Variants in AGBL4 observed in about 807,000 individuals in gnomAD.
The protein encoded by AGBL4 is AGBL carboxypeptidase 4.
In AGBL4, 58 loss-of-function variants were observed where a neutral mutation model predicts 66.4. That is an observed-to-expected ratio of 0.87 (90% CI 0.71 to 1.09). The LOEUF is 1.09. AGBL4 is among the 50% of genes least tolerant of loss of function. The pLI, the probability that AGBL4 is intolerant of heterozygous loss-of-function variation, is 0.00. For synonymous variants in AGBL4, 234 were observed against 222.9 expected (o/e 1.05, Z -0.44); for missense variants, 579 against 631.0 (o/e 0.92, Z 0.88).
intron 9 of AGBL4, among the ~76,000 whole-genome samples, chr1:48,608,530 A>G (rs984672123): frequency 5.3e-5 from 8 of 151,908 alleles, no homozygotes; most frequent in Non-Finnish European, 1.0e-4. Context: ...AGAACAGCTA[A>G]TGAGTCAGAG....
chr1:48,604,634 A>G (rs1344714029), intron 9 of AGBL4, among the ~76,000 whole-genome samples: 1 of 152,184 alleles, frequency 6.6e-6, no homozygotes, highest in Non-Finnish European at 1.5e-5. Context: ...AAATTCAAAC[A>G]CTTACATACA....
chr1:48,851,270 T>C (rs1046744102), intron 6 of AGBL4, among the ~76,000 whole-genome samples: 3 of 152,142 alleles, frequency 2.0e-5, no homozygotes, highest in African/African-American at 4.8e-5. Flanking sequence ...AGTGGTTAGG[T>C]TGCCCCTCCT....
At chr1:50,000,376 C>T (rs1660659358) in intron 1 of AGBL4, among the ~76,000 whole-genome samples, 1 of 152,074 alleles carries the variant, frequency 6.6e-6, no homozygotes, top group Non-Finnish European at 1.5e-5. Context: ...TGTGATACCA[C>T]CTTACTCCTA....
At chr1:48,746,110 T>C (rs1446649903) in intron 6 of AGBL4, among the ~76,000 whole-genome samples, 1 of 152,160 alleles carries the variant, frequency 6.6e-6, no homozygotes. Flanking sequence ...TCTTGTTGTG[T>C]CACCTGAAAG....
intron 1 of AGBL4, among the ~76,000 whole-genome samples, chr1:49,982,229 G>A (rs1427086517): frequency 1.8e-4 from 27 of 152,228 alleles, no homozygotes; most frequent in Admixed American, 1.8e-3. Context: ...CTGCCATGGT[G>A]CCAGGTGCAG....
At chr1:48,788,589 C>T (rs985374683) in intron 6 of AGBL4, among the ~76,000 whole-genome samples, 1 of 152,154 alleles carries the variant, frequency 6.6e-6, no homozygotes, top group Admixed American at 6.5e-5. Context: ...ACAGTGTTCT[C>T]AATCATAAAA....
intron 3 of AGBL4, among the ~76,000 whole-genome samples, chr1:49,687,712 T>C (rs948388074): frequency 2.6e-5 from 4 of 151,880 alleles, no homozygotes; most frequent in African/African-American, 7.3e-5. Context: ...GAGGCAGAGG[T>C]TGCAGTGAGC....
intron 4 of AGBL4, among the ~76,000 whole-genome samples, chr1:49,095,342 T>C (rs1414698885): frequency 6.6e-6 from 1 of 152,154 alleles, no homozygotes; most frequent in Admixed American, 6.6e-5. Flanking sequence ...TACTTTAAAG[T>C]TCATATGGAA....
intron 3 of AGBL4, among the ~76,000 whole-genome samples, chr1:49,305,933 G>A (rs771678663): frequency 2.0e-5 from 3 of 151,998 alleles, no homozygotes; most frequent in Admixed American, 6.6e-5. Context: ...CAGGTGATCC[G>A]CCCACCTTGG....
At chr1:49,159,761 C>T (rs1569875887) in intron 4 of AGBL4, among the ~76,000 whole-genome samples, 1 of 152,034 alleles carries the variant, frequency 6.6e-6, no homozygotes, top group Non-Finnish European at 1.5e-5. Flanking sequence ...TTGTTCATTC[C>T]TTTTCATTCT....
intron 5 of AGBL4, among the ~76,000 whole-genome samples, chr1:48,875,997 T>C (rs75391044): frequency 3.1e-4 from 47 of 152,260 alleles, no homozygotes; most frequent in African/African-American, 1.1e-3. Context: ...AAAAGCAGCA[T>C]GAATTGCTGT....
At chr1:49,488,514 C>T (rs1186503299) in intron 3 of AGBL4, among the ~76,000 whole-genome samples, 1 of 151,672 alleles carries the variant, frequency 6.6e-6, no homozygotes, top group East Asian at 1.9e-4. Flanking sequence ...TTATCCATCA[C>T]CTCAAGCATT....
chr1:49,583,714 T>TA (rs532319539), intron 3 of AGBL4, among the ~76,000 whole-genome samples: 12 of 151,796 alleles, frequency 7.9e-5, no homozygotes, highest in East Asian at 3.9e-4. Flanking sequence ...TGTTGAGAGT[T>TA]AAAAAAAACA....
At chr1:49,064,731 G>A (rs901183042) in intron 4 of AGBL4, among the ~76,000 whole-genome samples, 4 of 152,030 alleles carry the variant, frequency 2.6e-5, no homozygotes, top group Admixed American at 1.3e-4. Context: ...TTGGAATTAC[G>A]TTTTAGAACA....
intron 3 of AGBL4, among the ~76,000 whole-genome samples, chr1:49,604,759 A>G (rs981663808): frequency 4.6e-5 from 7 of 151,886 alleles, no homozygotes; most frequent in African/African-American, 1.7e-4. Flanking sequence ...TCTCTCCCCC[A>G]TTTCCCTCTG....
At chr1:48,975,444 A>C (rs1027044775) in intron 5 of AGBL4, among the ~76,000 whole-genome samples, 1 of 152,142 alleles carries the variant, frequency 6.6e-6, no homozygotes, top group Non-Finnish European at 1.5e-5. Flanking sequence ...GCCTATGGCA[A>C]GCTCCAGTAG....
intron 3 of AGBL4, among the ~76,000 whole-genome samples, chr1:49,693,212 G>T (rs569428879): frequency 9.9e-5 from 15 of 152,268 alleles, no homozygotes; most frequent in African/African-American, 3.6e-4. Flanking sequence ...CATCAATTTA[G>T]ATATATGTGT....
At chr1:49,877,642 C>A (rs1326492311) in intron 1 of AGBL4, among the ~76,000 whole-genome samples, 2 of 152,014 alleles carry the variant, frequency 1.3e-5, no homozygotes, top group Middle Eastern at 3.4e-3. Flanking sequence ...TGTCTCTGCC[C>A]GACTTTGGTA....
At chr1:49,607,403 A>G (rs749628569) in intron 3 of AGBL4, among the ~76,000 whole-genome samples, 34 of 152,124 alleles carry the variant, frequency 2.2e-4, no homozygotes, top group Non-Finnish European at 4.4e-4. Flanking sequence ...CATTTGATCC[A>G]GATAGTTAGT....
Sources: gnomAD v4.1 joint callset for allele counts (sites outside exome capture counted in the v4.1 genomes callset) on GRCh38, gnomAD v4.1.1 for gene constraint, MANE v1.5 for transcripts, NCBI Gene and HGNC (gene_info 2026-07-23, HGNC 2026-07-21) for gene names.